CTDSPL2: variants seen among roughly 807,000 people sequenced by gnomAD.
The protein encoded by CTDSPL2 is CTD small phosphatase like 2.
Under a neutral mutation model 60.0 loss-of-function variants are expected in CTDSPL2, and 5 were observed. The ratio of observed to expected loss-of-function variants is 0.08; its 90% CI spans 0.04 to 0.18. CTDSPL2 has a LOEUF of 0.18. CTDSPL2 is among the 10% of genes least tolerant of loss of function. The pLI, the probability that CTDSPL2 is intolerant of heterozygous loss-of-function variation, is 1.00. For synonymous variants in CTDSPL2, 186 were observed against 189.3 expected (o/e 0.98, Z 0.14); for missense variants, 370 against 548.8 (o/e 0.67, Z 3.26).
chr15:44,496,354 A>AT (rs2081299736), intron 5 of CTDSPL2, 26 bp from the exon 6 acceptor site: 2 of 1,545,926 alleles, frequency 1.3e-6, no homozygotes, highest in Non-Finnish European at 1.8e-6. Flanking sequence ...TAAAAGCAAC[A>AT]TTTTTTCTTT....
chr15:44,453,796 A>G lies in CTDSPL2; in HGVS notation c.-24-5195A>G, dbSNP rs2080379694. ...CTGCATAGTATTCCATAGTGTATAT[A>G]TGCCACATTTTCTTAATCCAGTCTA... On this transcript the variant is annotated intron_variant, in intron 1 of 12. Transcript: ENST00000260327. Among the ~76,000 whole-genome samples, 4 of 151,882 alleles carry G rather than the reference A, an allele frequency of 2.6e-5. No homozygotes were observed. In the South Asian group the frequency reaches 8.3e-4, roughly 32 times the overall value.
chr15:44,512,850 T>C (rs2081588585), intron 8 of CTDSPL2, among the ~76,000 whole-genome samples: 1 of 152,000 alleles, frequency 6.6e-6, no homozygotes, highest in African/African-American at 2.4e-5. Flanking sequence ...CCCAGCACTT[T>C]GGGAGGCAGG....
At chr15:44,433,969 C>G (rs2079917922) in intron 1 of CTDSPL2, among the ~76,000 whole-genome samples, 1 of 149,404 alleles carries the variant, frequency 6.7e-6, no homozygotes, top group African/African-American at 2.5e-5. Context: ...AAAAAAAAAT[C>G]AGTGTATATT....
chr15:44,513,513 A>T (rs2081600835), intron 8 of CTDSPL2, among the ~76,000 whole-genome samples: 1 of 152,158 alleles, frequency 6.6e-6, no homozygotes, highest in Non-Finnish European at 1.5e-5. Flanking sequence ...TCTTAAGGAA[A>T]TTCTCTATTT....
chr15:44,469,180 T>C (rs2080756268), intron 2 of CTDSPL2, among the ~76,000 whole-genome samples: 1 of 152,210 alleles, frequency 6.6e-6, no homozygotes, highest in Non-Finnish European at 1.5e-5. Flanking sequence ...GCACTGTCTG[T>C]GGTTTCAGAC....
chr15:44,459,746 T>A (rs1382229771), intron 2 of CTDSPL2, among the ~76,000 whole-genome samples: 2 of 152,216 alleles, frequency 1.3e-5, no homozygotes, highest in African/African-American at 4.8e-5. Flanking sequence ...AAATTTTTCC[T>A]TGTTCTTTTA....
rs1293990404 is a variant in CTDSPL2, at chr15:44,528,143, A to G, written c.*3969A>G. 6.6e-6 allele frequency: 1 copy of G among 152,174 alleles called. No individual in the cohort carries two copies. The highest frequency in any genetic ancestry group is 1.5e-5 in the Non-Finnish European group (1 of 68,026). 9.4% of individuals were successfully genotyped at this position (152,174 alleles called of 1,614,324 possible). A position where few individuals can be genotyped will look rare whatever the true frequency, so the allele number is the denominator to read the frequency against. ...ACATGATTTGAGATCTTTTTTAAAA[A>G]AGGGTGGGGCGGCGGGGGAGAGAGC... On this transcript the variant is annotated 3_prime_UTR_variant, in exon 13 of 13. Coordinates refer to ENST00000260327, the MANE Select transcript of CTDSPL2 (RefSeq NM_016396.3).
intron 7 of CTDSPL2, among the ~76,000 whole-genome samples, chr15:44,498,535 A>G (rs893487622): frequency 5.9e-5 from 9 of 152,206 alleles, no homozygotes; most frequent in Non-Finnish European, 1.0e-4. Flanking sequence ...GCAGTGAGCT[A>G]CAATTGTGCC....
chr15:44,491,928 A>G lies in CTDSPL2; in HGVS notation c.691+929A>G, dbSNP rs190006860. Among the ~76,000 whole-genome samples, 43 of 152,076 alleles carry G rather than the reference A, an allele frequency of 2.8e-4. 1 individual carries two copies. The East Asian group carries it at 4.8e-3, about 17-fold the overall frequency. ...CCACGCTGGACAGTGCAGTGGCATG[A>G]TCTTGGCTCACTGCAACCTCCACCT... On this transcript the variant is annotated intron_variant, in intron 5 of 12. Transcript: ENST00000260327.
At chr15:44,452,698 C>G (rs563573620) in intron 1 of CTDSPL2, among the ~76,000 whole-genome samples, 1 of 152,108 alleles carries the variant, frequency 6.6e-6, no homozygotes, top group East Asian at 1.9e-4. Context: ...ATCATTGTTA[C>G]TATTTAAATT....
chr15:44,507,384 G>A (rs751038086), intron 8 of CTDSPL2, among the ~76,000 whole-genome samples: 2 of 152,118 alleles, frequency 1.3e-5, no homozygotes, highest in Non-Finnish European at 2.9e-5. Flanking sequence ...GCACCCAGCC[G>A]CAGGAGCTTT....
chr15:44,489,722 A>T (rs2081185206), intron 4 of CTDSPL2, among the ~76,000 whole-genome samples: 1 of 152,224 alleles, frequency 6.6e-6, no homozygotes, highest in Non-Finnish European at 1.5e-5. Flanking sequence ...ATACTGTGTT[A>T]AATAGAGCAG....
At chr15:44,508,924 TA>T in intron 8 of CTDSPL2, among the ~76,000 whole-genome samples, 1 of 151,806 alleles carries the variant, frequency 6.6e-6, no homozygotes, top group Admixed American at 6.6e-5. Context: ...TCTCAAAAAA[TA>T]AAAAAAGAAA....
chr15:44,437,081 AT>A (rs1245987814), intron 1 of CTDSPL2, among the ~76,000 whole-genome samples: 1 of 152,212 alleles, frequency 6.6e-6, no homozygotes, highest in African/African-American at 2.4e-5. Context: ...TTTTGACTGC[AT>A]TTTGACTGAC....
In CTDSPL2 at chr15:44,484,406, G is replaced by A. The variant is rs141667472; in HGVS notation, c.325+44G>A. ...ACTGTTTTATTTAGGTGTAAGCAGA[G>A]ATCTCACCTGACACATTTCTTATCT... On this transcript the variant is annotated intron_variant, in intron 3 of 12. Transcript: ENST00000260327. The A allele has an allele frequency of 1.5e-5, 23 of 1,540,506 alleles. No homozygotes were observed. The Middle Eastern group carries it at 8.6e-4, about 58-fold the overall frequency.
intron 1 of CTDSPL2, among the ~76,000 whole-genome samples, chr15:44,443,813 C>G (rs1401550893): frequency 6.6e-6 from 1 of 152,102 alleles, no homozygotes; most frequent in African/African-American, 2.4e-5. Flanking sequence ...ATAAGAACTT[C>G]TTAAGAGACA....
intron 1 of CTDSPL2, among the ~76,000 whole-genome samples, chr15:44,443,407 A>C (rs1354681964): frequency 1.3e-5 from 2 of 152,108 alleles, no homozygotes; most frequent in East Asian, 3.9e-4. Flanking sequence ...GTTCTTTTGG[A>C]TGCATACCTG....
chr15:44,463,731 A>G (rs942218805), intron 2 of CTDSPL2, among the ~76,000 whole-genome samples: 9 of 152,192 alleles, frequency 5.9e-5, no homozygotes, highest in Admixed American at 5.2e-4. Context: ...GTCATAAACC[A>G]TATTCTTAAT....
chr15:44,462,019 T>A (rs2080581679), intron 2 of CTDSPL2, among the ~76,000 whole-genome samples: 1 of 152,220 alleles, frequency 6.6e-6, no homozygotes, highest in African/African-American at 2.4e-5. Context: ...CACAGCTCAC[T>A]GCAGCCTTGA....
Sources: gnomAD v4.1 joint callset for allele counts (sites outside exome capture counted in the v4.1 genomes callset) on GRCh38, gnomAD v4.1.1 for gene constraint, MANE v1.5 for transcripts, NCBI Gene and HGNC (gene_info 2026-07-23, HGNC 2026-07-21) for gene names.